Variants in VAPA observed in about 807,000 individuals in gnomAD.
VAPA encodes the protein VAMP associated protein A, also known as vesicle-associated membrane protein-associated protein A.
VAPA carries 6 observed loss-of-function variants against 25.6 expected under a neutral mutation model. The observed-to-expected ratio is 0.23, with a 90% CI of 0.13 to 0.46. VAPA has a LOEUF of 0.46. Among genes scored for constraint, VAPA ranks in the 20% least tolerant of loss-of-function variants. The pLI, the probability that VAPA is intolerant of heterozygous loss-of-function variation, is 0.99. For missense variants in VAPA, 244 were observed against 302.1 expected (o/e 0.81, Z 1.43); for synonymous variants, 112 against 106.2 (o/e 1.05, Z -0.34).
intron 4 of VAPA, among the ~76,000 whole-genome samples, chr18:9,946,376 C>T (rs1049960304): frequency 1.3e-5 from 2 of 152,132 alleles, no homozygotes; most frequent in African/African-American, 2.4e-5. Context: ...CTTATTCAAC[C>T]TGCAGCCTGC....
At chr18:9,922,389 C>A (rs1000003007) in intron 1 of VAPA, among the ~76,000 whole-genome samples, 24 of 152,150 alleles carry the variant, frequency 1.6e-4, no homozygotes, top group African/African-American at 5.8e-4. Context: ...ATACTGTTAA[C>A]ACGTAATAAC....
intron 1 of VAPA, among the ~76,000 whole-genome samples, chr18:9,918,421 C>T (rs540228912): frequency 2.0e-5 from 3 of 152,238 alleles, no homozygotes; most frequent in South Asian, 2.1e-4. Context: ...CCTTAGTCCA[C>T]GGTACTTTTA....
intron 4 of VAPA, among the ~76,000 whole-genome samples, chr18:9,947,007 CAG>C (rs1361682243): frequency 6.6e-6 from 1 of 152,162 alleles, no homozygotes; most frequent in African/African-American, 2.4e-5. Context: ...TAGGCCTGCA[CAG>C]GGGCGGGATC....
intron 1 of VAPA, among the ~76,000 whole-genome samples, chr18:9,925,824 A>C (rs181372999): frequency 3.9e-5 from 6 of 152,282 alleles, no homozygotes; most frequent in Non-Finnish European, 8.8e-5. Flanking sequence ...ATCAATTTAA[A>C]AATCTTTTTC....
At chr18:9,920,308 TC>T (rs1445766515) in intron 1 of VAPA, among the ~76,000 whole-genome samples, 2 of 152,180 alleles carry the variant, frequency 1.3e-5, no homozygotes, top group Non-Finnish European at 2.9e-5. Flanking sequence ...TTTCTTTCTT[TC>T]ATTTTTTTCT....
At chr18:9,952,561 T>A in intron 5 of VAPA, among the ~76,000 whole-genome samples, 1 of 116,798 alleles carries the variant, frequency 8.6e-6, no homozygotes, top group East Asian at 2.0e-4. Flanking sequence ...CAAAACATCG[T>A]CTCAAAAAAA....
chr18:9,935,096 A>G (rs1183469140), intron 2 of VAPA, among the ~76,000 whole-genome samples: 2 of 131,982 alleles, frequency 1.5e-5, no homozygotes, highest in Non-Finnish European at 3.1e-5. Flanking sequence ...CTCCGTCTCA[A>G]AAAAAAAAAA....
chr18:9,958,828 A>T lies in VAPA; in HGVS notation c.*4617A>T, dbSNP rs1467328675. 4 of 152,208 alleles carry T rather than the reference A, an allele frequency of 2.6e-5. No homozygotes were observed. Among genetic ancestry groups the T allele is most frequent in the African/African-American group, 9.6e-5 (4 of 41,454 alleles). The allele number at this position is 152,208 out of a possible 1,614,324, so 9.4% of individuals were successfully genotyped here. On this transcript the variant is annotated 3_prime_UTR_variant, in exon 6 of 6. Transcript: ENST00000400000. ...GCTGGAATACCACTAAAGATTTTTG[A>T]CTTGTGAATAAATGAGCTGTCATCG...
At chr18:9,925,336 C>T (rs2069191509) in intron 1 of VAPA, among the ~76,000 whole-genome samples, 1 of 151,696 alleles carries the variant, frequency 6.6e-6, no homozygotes, top group Admixed American at 6.6e-5. Flanking sequence ...AATTAAAGCC[C>T]TTAGAGGCTT....
intron 1 of VAPA, among the ~76,000 whole-genome samples, chr18:9,926,240 G>A (rs2069199223): frequency 6.6e-6 from 1 of 152,124 alleles, no homozygotes; most frequent in Admixed American, 6.6e-5. Context: ...TGATGCCACA[G>A]ATACTCAGCA....
chr18:9,925,661 T>A (rs970457184), intron 1 of VAPA, among the ~76,000 whole-genome samples: 1 of 152,044 alleles, frequency 6.6e-6, no homozygotes, highest in Non-Finnish European at 1.5e-5. Flanking sequence ...AAACATACAG[T>A]AAGGGTAAAT....
chr18:9,952,207 C>G (rs920374510), intron 5 of VAPA, among the ~76,000 whole-genome samples: 1 of 152,132 alleles, frequency 6.6e-6, no homozygotes, highest in Non-Finnish European at 1.5e-5. Flanking sequence ...CTGGTTTCTA[C>G]TCTTTTTATG....
intron 1 of VAPA, among the ~76,000 whole-genome samples, chr18:9,920,357 C>T (rs1002046734): frequency 1.1e-4 from 17 of 152,138 alleles, no homozygotes; most frequent in African/African-American, 3.9e-4. Flanking sequence ...TGGTGGTGTG[C>T]AGTGGCGCTA....
At position 9,936,932 on chromosome 18, in the gene VAPA, T is replaced by A. The variant is rs545508152; in HGVS notation, c.337-54T>A. ...TTTAGCTGTCCCGTGAGGTGAAACT[T>A]ACTTACCATGATCATACCTCCTATG... is the stretch of plus-strand genomic sequence containing the variant. On this transcript the variant is annotated intron_variant, in intron 3 of 5. Transcript: ENST00000400000. 4.0e-5 allele frequency: 62 copies of A among 1,536,102 alleles called. No homozygotes were observed. In the Middle Eastern group the frequency reaches 5.1e-4, roughly 13 times the overall value.
chr18:9,935,938 C>G (rs1311168222), intron 2 of VAPA, among the ~76,000 whole-genome samples, 172 bp from the exon 3 acceptor site: 1 of 152,016 alleles, frequency 6.6e-6, no homozygotes, highest in Admixed American at 6.6e-5. Flanking sequence ...TTCTTGAACC[C>G]TTCTTGGTTT....
intron 1 of VAPA, among the ~76,000 whole-genome samples, chr18:9,931,301 A>G (rs970370286): frequency 6.6e-5 from 10 of 152,354 alleles, no homozygotes; most frequent in African/African-American, 2.4e-4. Flanking sequence ...AGCATATGGC[A>G]TAATAAACAC....
chr18:9,937,082 TAAAA>T lies in VAPA; in HGVS notation c.417+21_417+24del. ...TGATAAATTGGTAAGTAGGAGAATG[TAAAA>T]AAAATTGGGAGCTGTTGAGCTCTCA... On this transcript the variant is annotated intron_variant, in intron 4 of 5. Transcript: ENST00000400000. 6.2e-7 allele frequency: 1 copy of T among 1,606,138 alleles called. No individual in the cohort carries two copies. Among genetic ancestry groups the T allele is most frequent in the African/African-American group, 1.3e-5 (1 of 74,690 alleles).
Position 9,937,337 on chromosome 18 carries a change from C to T in VAPA, c.417+271C>T, listed in dbSNP as rs146100347. On this transcript the variant is annotated intron_variant, in intron 4 of 5. Coordinates refer to ENST00000400000, the MANE Select transcript of VAPA (RefSeq NM_194434.3). ...TTTAAGTCTACCAGATTTTTTGTGA[C>T]GTAAACCACTGCAGGTTCTTTTTTA... Among the ~76,000 whole-genome samples the T allele has an allele frequency of 2.0e-3, 297 of 150,762 alleles. 7 individuals carry two copies. The East Asian group carries it at 0.028, about 14-fold the overall frequency.
In VAPA at chr18:9,914,225, CG is replaced by C. The variant is rs2069089109; in HGVS notation, c.-29del. The C allele has an allele frequency of 1.3e-6, 2 of 1,560,888 alleles. No individual in the cohort carries two copies. The highest frequency in any genetic ancestry group is 2.8e-5 in the African/African-American group (2 of 70,234). ...GCCCCCAGTCAGCAAACCGCCGCCGCGGGCGCGCCCCCGCTCTGCGCTGTCT... is the reference window on the plus strand; with the variant it reads ...GCCCCCAGTCAGCAAACCGCCGCCGCGGCGCGCCCCCGCTCTGCGCTGTCT... On this transcript the variant is annotated 5_prime_UTR_variant, in exon 1 of 6. Coordinates refer to ENST00000400000, the MANE Select transcript of VAPA (RefSeq NM_194434.3).
Sources: gnomAD v4.1 joint callset for allele counts (sites outside exome capture counted in the v4.1 genomes callset) on GRCh38, gnomAD v4.1.1 for gene constraint, MANE v1.5 for transcripts, NCBI Gene and HGNC (gene_info 2026-07-23, HGNC 2026-07-21) for gene names.